The following ASCC3 variants were observed in gnomAD, a reference collection of about 807,000 sequenced individuals.
ASCC3 encodes activating signal cointegrator 1 complex subunit 3.
Under a neutral mutation model 256.3 loss-of-function variants are expected in ASCC3, and 158 were observed. The observed-to-expected ratio is 0.62, with a 90% confidence interval of 0.54 to 0.70. ASCC3 has a LOEUF of 0.70. Among genes scored for constraint, ASCC3 ranks in the 30% least tolerant of loss-of-function variants. The pLI is 0.00. For synonymous variants in ASCC3, 948 were observed against 883.4 expected (o/e 1.07, Z -1.30); for missense variants, 2,259 against 2,626.0 (o/e 0.86, Z 3.05).
intron 13 of ASCC3, among the ~76,000 whole-genome samples, chr6:100,712,197 C>T (rs1429513069): frequency 6.6e-6 from 1 of 152,064 alleles, no homozygotes; most frequent in African/African-American, 2.4e-5. Context: ...TCAAGGTGAC[C>T]TTGGATATGG....
intron 36 of ASCC3, among the ~76,000 whole-genome samples, chr6:100,541,145 A>G (rs1417108239): frequency 6.6e-6 from 1 of 152,142 alleles, no homozygotes; most frequent in Non-Finnish European, 1.5e-5. Flanking sequence ...AACAAACATC[A>G]TATTTTTCCA....
At chr6:100,773,596 A>G (rs966937925) in intron 8 of ASCC3, among the ~76,000 whole-genome samples, 1 of 152,124 alleles carries the variant, frequency 6.6e-6, no homozygotes, top group African/African-American at 2.4e-5. Flanking sequence ...AACCCTCTTT[A>G]TGTATTATTA....
At position 100,650,579 on chromosome 6, in the gene ASCC3, C is replaced by T. The variant is rs1338169145; in HGVS notation, c.3211G>A (p.Asp1071Asn). ...LQTYISRGEM[D>N]SFSLISDSAY... ...GAATCTGATATAAGGGAGAAACTGT[C>T]CATTTCTCCTCGGCTGATATAAGTT... Residue 1071 changes from aspartate to asparagine, a missense_variant, in exon 20 of 42, where the codon GAC (aspartate) becomes AAC (asparagine). By Grantham distance (23) the Asp-to-Asn change is conservative. Transcript: ENST00000369162. The T allele has an allele frequency of 5.6e-6, 9 of 1,612,726 alleles. No homozygotes were observed. Among genetic ancestry groups the T allele is most frequent in the Non-Finnish European group, 6.8e-6 (8 of 1,179,112 alleles).
chr6:100,536,674 C>T (rs1775180695), intron 37 of ASCC3, among the ~76,000 whole-genome samples: 2 of 152,120 alleles, frequency 1.3e-5, no homozygotes, highest in African/African-American at 2.4e-5. Flanking sequence ...ACTATGCTGC[C>T]TAGGCTGGTT....
Position 100,651,549 on chromosome 6 carries a change from A to G in ASCC3, c.3075+11T>C, listed in dbSNP as rs1181785614. 3 of 1,530,210 alleles carry G rather than the reference A, an allele frequency of 2.0e-6. No individual in the cohort carries two copies. Among genetic ancestry groups the G allele is most frequent in the Admixed American group, 1.8e-5 (1 of 56,646 alleles). 94.8% of individuals were successfully genotyped at this position (1,530,210 alleles called of 1,614,324 possible). A position where few individuals can be genotyped will look rare whatever the true frequency, so the allele number is the denominator to read the frequency against. ...TTGTATGCATTTGATTCAAATTTCA[A>G]GAAATCTTACCTTAATTTGATCAAA... On this transcript the variant is annotated intron_variant, in intron 19 of 41. Coordinates refer to ENST00000369162, the MANE Select transcript of ASCC3 (RefSeq NM_006828.4).
intron 4 of ASCC3, among the ~76,000 whole-genome samples, chr6:100,809,025 C>T (rs1029626628): frequency 6.6e-6 from 1 of 151,898 alleles, no homozygotes; most frequent in Non-Finnish European, 1.5e-5. Flanking sequence ...TGAAAGAGCA[C>T]TTACTATGAA....
chr6:100,829,191 T>G (rs981613424), intron 4 of ASCC3, among the ~76,000 whole-genome samples: 10 of 152,180 alleles, frequency 6.6e-5, no homozygotes, highest in African/African-American at 2.2e-4. Context: ...GCACCTGGGC[T>G]GCAGGTGGAG....
At chr6:100,714,678 T>A (rs972609743) in intron 13 of ASCC3, among the ~76,000 whole-genome samples, 10 of 152,060 alleles carry the variant, frequency 6.6e-5, no homozygotes, top group Non-Finnish European at 1.2e-4. Flanking sequence ...TTAAAATACT[T>A]GTGATTTCCG....
rs138234839 is a variant in ASCC3, at chr6:100,649,305, G to A, written c.3252+1233C>T. On this transcript the variant is annotated intron_variant, in intron 20 of 41. Coordinates refer to ENST00000369162, the MANE Select transcript of ASCC3 (RefSeq NM_006828.4). ...TGCCAGATTATTCATCCAGAACCCA[G>A]TAAAACTTTACCTTTTATTTAAATG... Among the ~76,000 whole-genome samples, 1,025 of 151,506 alleles carry A rather than the reference G, an allele frequency of 6.8e-3. 9 individuals carry two copies. Among genetic ancestry groups the A allele is most frequent in the African/African-American group, 0.023 (952 of 41,422 alleles).
At chr6:100,525,116 T>A (rs763368049) in intron 37 of ASCC3, among the ~76,000 whole-genome samples, 2 of 114,194 alleles carry the variant, frequency 1.8e-5, no homozygotes, top group African/African-American at 3.5e-5. Flanking sequence ...AGGTTGAGGC[T>A]ACTATACTCC....
At chr6:100,679,357 C>A (rs1402214965) in intron 14 of ASCC3, among the ~76,000 whole-genome samples, 1 of 151,938 alleles carries the variant, frequency 6.6e-6, no homozygotes, top group African/African-American at 2.4e-5. Flanking sequence ...AATTTAACTG[C>A]ATTTTATATT....
At chr6:100,737,180 G>T (rs1265869387) in intron 10 of ASCC3, among the ~76,000 whole-genome samples, 1 of 150,604 alleles carries the variant, frequency 6.6e-6, no homozygotes, top group South Asian at 2.1e-4. Flanking sequence ...GGCAGTGGGG[G>T]TGGGTAGGGA....
chr6:100,786,437 A>T (rs1467634715), intron 8 of ASCC3, among the ~76,000 whole-genome samples: 1 of 152,108 alleles, frequency 6.6e-6, no homozygotes, highest in East Asian at 1.9e-4. Flanking sequence ...GAAAGTTTAA[A>T]CTCATATGAA....
At chr6:100,691,294 G>A (rs1459491170) in intron 13 of ASCC3, among the ~76,000 whole-genome samples, 2 of 151,804 alleles carry the variant, frequency 1.3e-5, no homozygotes, top group African/African-American at 2.4e-5. Flanking sequence ...ACAACAAAAC[G>A]TATAGTTTAT....
At chr6:100,734,205 A>T (rs1241424905) in intron 10 of ASCC3, among the ~76,000 whole-genome samples, 1 of 152,202 alleles carries the variant, frequency 6.6e-6, no homozygotes, top group Non-Finnish European at 1.5e-5. Context: ...GTGATAAATT[A>T]TGAAGGGGAT....
chr6:100,723,381 C>T (rs1779437284), intron 11 of ASCC3, among the ~76,000 whole-genome samples: 1 of 151,596 alleles, frequency 6.6e-6, no homozygotes, highest in Non-Finnish European at 1.5e-5. Flanking sequence ...ACTTCTTGAG[C>T]TTGCATATTG....
chr6:100,615,525 G>GATA (rs1178633356), intron 30 of ASCC3, among the ~76,000 whole-genome samples: 2 of 151,998 alleles, frequency 1.3e-5, no homozygotes, highest in Admixed American at 1.3e-4. Context: ...ATAAAACTGG[G>GATA]ATAATAAAAA....
At chr6:100,700,987 T>G (rs1049863613) in intron 13 of ASCC3, among the ~76,000 whole-genome samples, 2 of 152,156 alleles carry the variant, frequency 1.3e-5, no homozygotes, top group African/African-American at 4.8e-5. Flanking sequence ...TGTGAGGACA[T>G]GAGATTTGGG....
chr6:100,620,594 T>A (rs1231015267), intron 30 of ASCC3, among the ~76,000 whole-genome samples: 2 of 152,152 alleles, frequency 1.3e-5, no homozygotes, highest in East Asian at 3.9e-4. Context: ...CTATAGACAG[T>A]TCTTGACTTA....
Sources: allele counts gnomAD v4.1 joint callset (sites outside exome capture counted in the v4.1 genomes callset), GRCh38; gene constraint gnomAD v4.1.1; transcripts MANE v1.5; gene names NCBI Gene and HGNC (gene_info 2026-07-23, HGNC 2026-07-21).